Variants in LRP1 observed in about 807,000 individuals in gnomAD.
LRP1 encodes prolow-density lipoprotein receptor-related protein 1.
Under a neutral mutation model 541.5 loss-of-function variants are expected in LRP1, and 51 were observed. That is an observed-to-expected ratio of 0.09 (90% CI 0.08 to 0.12). The LOEUF (loss-of-function observed/expected upper bound fraction) is 0.12, where lower values mean the gene tolerates loss of function less well. Among genes scored for constraint, LRP1 ranks in the 10% least tolerant of loss-of-function variants. The pLI is 1.00. For synonymous variants in LRP1, 2,219 were observed against 2,470.8 expected, an observed-to-expected ratio of 0.90 and a Z score of 3.02; for missense variants, 3,878 against 6,376.2, an observed-to-expected ratio of 0.61 and a Z score of 13.34.
chr12:57,149,130 C>A, intron 6 of LRP1: 1 of 476,524 alleles, frequency 2.1e-6, no homozygotes, highest in Non-Finnish European at 3.7e-6. Context: ...CTGGGCACCC[C>A]TGGACCCTCT....
chr12:57,200,326 C>T (rs1281623817), intron 62 of LRP1, 116 bp from the exon 63 acceptor site: 1 of 724,438 alleles, frequency 1.4e-6, no homozygotes, highest in Non-Finnish European at 2.5e-6. Flanking sequence ...CCCAACCTGC[C>T]CCATAACACC....
chr12:57,208,662 C>T, intron 77 of LRP1, 49 bp from the exon 78 acceptor site: 1 of 1,234,346 alleles, frequency 8.1e-7, no homozygotes, highest in Non-Finnish European at 1.2e-6. Flanking sequence ...CTGGGCCTGC[C>T]TCCTCTGGCC....
At chr12:57,175,739 G>T in intron 23 of LRP1, 34 bp downstream of exon 23, 1 of 1,549,850 alleles carries the variant, frequency 6.5e-7, no homozygotes, top group Middle Eastern at 1.7e-4. Flanking sequence ...GGGGCAGGCC[G>T]AGGCAGGCCT....
In LRP1 at chr12:57,211,297, C is replaced by G; in HGVS notation, c.13038C>G (p.Arg4346=). 1.2e-6 allele frequency: 2 copies of G among 1,614,222 alleles called. No homozygotes were observed. The highest frequency in any genetic ancestry group is 1.7e-6 in the Non-Finnish European group (2 of 1,180,046). The stretch of plus-strand genomic sequence containing the variant: ...GGTGTGAGGTGAACAAGTGCAGCCG[C>G]TGTCTCGAAGGGGCCTGTGTGGTCA... ...GSRCEVNKCS[R]CLEGACVVNK... is the part of the protein sequence containing the mutation. The change falls in exon 84 of 89, where the codon CGC becomes CGG. Residue 4346 remains arginine (R), a synonymous_variant. Coordinates refer to ENST00000243077, the MANE Select transcript of LRP1 (RefSeq NM_002332.3). The surrounding 1 kb of genome is among the most constrained non-coding windows in gnomAD (Gnocchi z 4.3).
chr12:57,198,737 G>A (rs1592654925), intron 60 of LRP1, 67 bp downstream of exon 60: 1 of 1,450,954 alleles, frequency 6.9e-7, no homozygotes, highest in East Asian at 2.5e-5. Context: ...GAAGCGACAG[G>A]GGATCAAGTT....
In LRP1 at chr12:57,197,651, G is replaced by A. The variant is rs1474751121; in HGVS notation, c.9269G>A (p.Gly3090Glu). The change falls in exon 58 of 89, where the codon GGG becomes GAG. Residue 3090 changes from glycine to glutamate, a missense_variant. Coordinates refer to ENST00000243077, the MANE Select transcript of LRP1 (RefSeq NM_002332.3). This position sits in a 1 kb window ranked among gnomAD's most constrained non-coding sequence, Gnocchi z 4.5. ...ATGATCCGAAGGATGCACCTTAACG[G>A]GAGCAATGTGCAGGTGAGGCGGGCG... ...GSMIRRMHLN[G>E]SNVQVLHRTG... is the part of the protein sequence containing the mutation. 1 of 1,613,844 alleles carries A rather than the reference G, an allele frequency of 6.2e-7. No individual in the cohort carries two copies. Among genetic ancestry groups the A allele is most frequent in the South Asian group, 1.1e-5 (1 of 91,060 alleles).
rs1230741211 is a variant in LRP1 at position 57,180,218 on chromosome 12, GC to G, written c.5236+81del. Reference sequence around the variant, plus strand: ...CAGGTGCTTGCAGGGTCCTTCAGTTGCCCCTCAGCCTCCCCAGAGCCCTAGC... The same window carrying G: ...CAGGTGCTTGCAGGGTCCTTCAGTTGCCCTCAGCCTCCCCAGAGCCCTAGC... On this transcript the variant is annotated intron_variant, in intron 31 of 88. Coordinates refer to ENST00000243077, the MANE Select transcript of LRP1 (RefSeq NM_002332.3). 9.6e-6 allele frequency: 15 copies of G among 1,565,702 alleles called. No homozygotes were observed. The East Asian group carries it at 3.1e-4, about 33-fold the overall frequency.
At chr12:57,195,635 GCT>G (rs1188650252) in intron 52 of LRP1, 21 bp from the exon 53 acceptor site, 1 of 1,613,848 alleles carries the variant, frequency 6.2e-7, no homozygotes, top group Non-Finnish European at 8.5e-7. Flanking sequence ...GGGCTGAAGG[GCT>G]GTGTCCACCT....
chr12:57,157,063 G>A, intron 10 of LRP1, 143 bp downstream of exon 10: 1 of 1,075,966 alleles, frequency 9.3e-7, no homozygotes, highest in Middle Eastern at 3.3e-4. Context: ...TGAGGGCAGA[G>A]ATGGGACTTG....
At chr12:57,134,414 G>A (rs4257011) in intron 1 of LRP1, among the ~76,000 whole-genome samples, 45,189 of 152,030 alleles carry the variant, frequency 0.3, 7,171 homozygotes, top group Admixed American at 0.4. Context: ...GAGAACGACA[G>A]CGTTCTCCCT....
chr12:57,191,955 C>CACACACACACCACACCACATACACACACG (rs2036413053), intron 44 of LRP1, among the ~76,000 whole-genome samples: 2 of 59,136 alleles, frequency 3.4e-5, no homozygotes, highest in East Asian at 6.0e-4. Context: ...ATACACACAC[C>CACACACACACCACACCACATACACACACG]ACATACACAC....
At chr12:57,200,144 A>C (rs1592656231) in intron 62 of LRP1, 119 bp downstream of exon 62, 5 of 843,634 alleles carry the variant, frequency 5.9e-6, no homozygotes, top group Admixed American at 2.9e-5. Context: ...CCACACTAAC[A>C]CCCCCACATT....
rs200133275 is a variant in LRP1 at position 57,183,842 on chromosome 12, G to A, written c.5862G>A (p.Thr1954=). 5 of 1,614,208 alleles carry A rather than the reference G, an allele frequency of 3.1e-6. No individual in the cohort carries two copies. The highest frequency in any genetic ancestry group is 4.5e-5 in the East Asian group (2 of 44,882). ...STISRAKRDQ[T]WREDVVTNGI... ...TCAGCCGGGCCAAGCGGGACCAGAC[G>A]TGGCGTGAAGACGTGGTGACCAATG... Residue 1954 remains threonine, a synonymous_variant, in exon 36 of 89, where the codon ACG becomes ACA. Transcript: ENST00000243077. This position sits in a 1 kb window ranked among gnomAD's most constrained non-coding sequence, Gnocchi z 6.1.
chr12:57,139,414 G>A (rs959959491), intron 2 of LRP1, among the ~76,000 whole-genome samples: 1 of 152,120 alleles, frequency 6.6e-6, no homozygotes, highest in Admixed American at 6.5e-5. Flanking sequence ...TGCCCTGGAG[G>A]GTGGGGGCCA....
At position 57,183,325 on chromosome 12, in the gene LRP1, C is replaced by G. The variant is rs1218266811; in HGVS notation, c.5663-54C>G. On this transcript the variant is annotated intron_variant, in intron 34 of 88. Coordinates refer to ENST00000243077, the MANE Select transcript of LRP1 (RefSeq NM_002332.3). The surrounding 1 kb of genome is among the most constrained non-coding windows in gnomAD (Gnocchi z 6.1). ...AGAACAGTTGGAGGGTGACAGGAAC[C>G]AAGTTTAAGGGAGTGTTGGCGATAC... The G allele has an allele frequency of 8.9e-6, 14 of 1,564,414 alleles. No homozygotes were observed. The highest frequency in any genetic ancestry group is 1.2e-5 in the Non-Finnish European group (14 of 1,148,202).
rs1555180615 is a variant in LRP1, at chr12:57,143,749, C to T, written c.399C>T (p.Cys133=). The T allele has an allele frequency of 1.2e-6, 2 of 1,614,186 alleles. No homozygotes were observed. The highest frequency in any genetic ancestry group is 1.7e-6 in the Non-Finnish European group (2 of 1,180,008). ...HCVPTLDGPT[C]YCNSSFQLQA... ...TCCCCACACTCGATGGGCCCACCTG[C>T]TACTGCAACAGCAGCTTTCAGCTTC... is the stretch of plus-strand genomic sequence containing the variant. The change falls in exon 4 of 89, where the codon TGC becomes TGT. Residue 133 remains cysteine, a synonymous_variant. Transcript: ENST00000243077.
Position 57,178,611 on chromosome 12 carries a change from G to A in LRP1, c.4606+8G>A, listed in dbSNP as rs749620364. The A allele has an allele frequency of 1.9e-6, 3 of 1,613,788 alleles. No homozygotes were observed. Among genetic ancestry groups the A allele is most frequent in the African/African-American group, 2.7e-5 (2 of 74,906 alleles). ...CCTCCCGCCAGCCCATGGGTAAGGG[G>A]CTCGGGGCCTCGAGCAGCCGGAAGG... is the stretch of plus-strand genomic sequence containing the variant. On this transcript the variant is annotated splice_region_variant and intron_variant, in intron 27 of 88. Coordinates refer to ENST00000243077, the MANE Select transcript of LRP1 (RefSeq NM_002332.3). This position sits in a 1 kb window ranked among gnomAD's most constrained non-coding sequence, Gnocchi z 5.8.
In LRP1 at chr12:57,211,358, G is replaced by A; in HGVS notation, c.13091+8G>A. The A allele has an allele frequency of 2.5e-6, 4 of 1,613,432 alleles. No homozygotes were observed. Among genetic ancestry groups the A allele is most frequent in the Non-Finnish European group, 3.4e-6 (4 of 1,179,896 alleles). ...TGGGGATGTCACCTGCAAGTGAGTG[G>A]GGCCCTCCTCCACAGTTCCACCCAG... On this transcript the variant is annotated splice_region_variant and intron_variant, in intron 84 of 88. Coordinates refer to ENST00000243077, the MANE Select transcript of LRP1 (RefSeq NM_002332.3). This position sits in a 1 kb window ranked among gnomAD's most constrained non-coding sequence, Gnocchi z 4.3.
chr12:57,129,312 G>T (rs933025737), intron 1 of LRP1, among the ~76,000 whole-genome samples: 1 of 152,026 alleles, frequency 6.6e-6, no homozygotes, highest in Non-Finnish European at 1.5e-5. Flanking sequence ...GGGGAGGAGA[G>T]GCCTTCTTTT....
Sources: gnomAD v4.1 joint callset for allele counts (sites outside exome capture counted in the v4.1 genomes callset) on GRCh38, gnomAD v4.1.1 for gene constraint, Gnocchi (gnomAD v3.1) non-coding constraint, MANE v1.5 for transcripts, NCBI Gene and HGNC (gene_info 2026-07-23, HGNC 2026-07-21) for gene names.